AQR: variants seen among roughly 807,000 people sequenced by gnomAD.
AQR encodes the protein aquarius intron-binding spliceosomal factor, also known as RNA helicase aquarius.
A neutral mutation model predicts 180.5 loss-of-function variants in AQR; 61 were observed. That is an observed-to-expected ratio of 0.34 (90% CI 0.28 to 0.42). The LOEUF is 0.42. AQR is among the 10% of genes least tolerant of loss of function. The pLI, the probability that AQR is intolerant of heterozygous loss-of-function variation, is 1.00. For synonymous variants in AQR, 551 were observed against 588.8 expected (o/e 0.94, Z 0.93); for missense variants, 1,281 against 1,798.3 (o/e 0.71, Z 5.20).
intron 4 of AQR, among the ~76,000 whole-genome samples, chr15:34,949,366 T>G (rs1894180768): frequency 6.6e-6 from 1 of 151,406 alleles, no homozygotes; most frequent in Admixed American, 6.6e-5. Context: ...ATCCCAGCAC[T>G]TTGGGAGGCC....
At chr15:34,930,172 T>G in intron 12 of AQR, 86 bp downstream of exon 12, 1 of 671,596 alleles carries the variant, frequency 1.5e-6, no homozygotes, top group Non-Finnish European at 2.5e-6. Flanking sequence ...ATTAACATGG[T>G]TTTCAATCTG....
At position 34,882,630 on chromosome 15, in the gene AQR, C is replaced by T; in HGVS notation, c.3037G>A (p.Ala1013Thr). ...KIFTQLEEFR[A>T]SELLRSGLDR... is the part of the protein sequence containing the mutation. ...AGTCCACTTCGAAGCAATTCAGAGGCTCTGAATTCCTATGGAAACGAGGAG... is the reference window on the plus strand; with the variant it reads ...AGTCCACTTCGAAGCAATTCAGAGGTTCTGAATTCCTATGGAAACGAGGAG... Residue 1013 changes from alanine (A) to threonine (T), a missense_variant, in exon 27 of 35, where the codon GCC becomes ACC. By Grantham distance (58) the Ala-to-Thr change is moderately conservative. Transcript: ENST00000156471. The T allele has an allele frequency of 6.3e-7, 1 of 1,597,246 alleles. No homozygotes were observed. The highest frequency in any genetic ancestry group is 8.5e-7 in the Non-Finnish European group (1 of 1,173,848).
intron 14 of AQR, among the ~76,000 whole-genome samples, chr15:34,919,375 T>C (rs1427753010): frequency 2.0e-5 from 3 of 152,140 alleles, no homozygotes; most frequent in African/African-American, 7.2e-5. Flanking sequence ...ATCTAAACAA[T>C]ATGTATGTTT....
intron 3 of AQR, among the ~76,000 whole-genome samples, chr15:34,957,155 A>C (rs62006155): frequency 1.1e-5 from 1 of 88,462 alleles, no homozygotes; most frequent in South Asian, 5.1e-4. Flanking sequence ...CTGGTCATTT[A>C]AATTTTTTTT....
chr15:34,899,673 T>C (rs1285836451), intron 20 of AQR, among the ~76,000 whole-genome samples: 1 of 149,994 alleles, frequency 6.7e-6, no homozygotes, highest in Non-Finnish European at 1.5e-5. Context: ...ACCTGGCCTA[T>C]TATTATATAT....
chr15:34,883,186 C>T (rs1035979175), intron 26 of AQR, among the ~76,000 whole-genome samples: 1 of 151,908 alleles, frequency 6.6e-6, no homozygotes, highest in Admixed American at 6.6e-5. Context: ...GAGATGAAAC[C>T]CAAGGCAGAG....
In AQR at chr15:34,884,521, T is replaced by A; in HGVS notation, c.3027+4A>T. ...GGAAGTTCAAAGAACTTGAGAATCC[T>A]TACCTCAAGCTGCGTAAAGATTTTC... On this transcript the variant is annotated splice_donor_region_variant and intron_variant, in intron 26 of 34. Transcript: ENST00000156471. 1 of 1,573,676 alleles carries A rather than the reference T, an allele frequency of 6.4e-7. No individual in the cohort carries two copies. Among genetic ancestry groups the A allele is most frequent in the Non-Finnish European group, 8.6e-7 (1 of 1,165,254 alleles).
chr15:34,862,311 A>G (rs549949221), intron 33 of AQR, among the ~76,000 whole-genome samples: 1 of 152,182 alleles, frequency 6.6e-6, no homozygotes, highest in African/African-American at 2.4e-5. Context: ...AATAACATGA[A>G]CTCTGGGATG....
In AQR at chr15:34,969,618, G is replaced by C. The variant is rs1410059724; in HGVS notation, c.-5C>G. ...GGGCTGCGCAGGGGCTGCCATGGCA[G>C]CACTCTTCCCTCCACTCCAGTGGAA... is the stretch of plus-strand genomic sequence containing the variant. On this transcript the variant is annotated 5_prime_UTR_variant, in exon 1 of 35. Coordinates refer to ENST00000156471, the MANE Select transcript of AQR (RefSeq NM_014691.3). 1 of 1,612,746 alleles carries C rather than the reference G, an allele frequency of 6.2e-7. No individual in the cohort carries two copies. Among genetic ancestry groups the C allele is most frequent in the Non-Finnish European group, 8.5e-7 (1 of 1,179,936 alleles).
intron 29 of AQR, chr15:34,874,202 A>AAG (rs1892860976): frequency 2.2e-6 from 1 of 459,186 alleles, no homozygotes; most frequent in South Asian, 5.5e-5. Flanking sequence ...AAGGTACTAC[A>AAG]AAAATGAGAG....
chr15:34,920,774 T>C (rs1893671484), intron 13 of AQR, among the ~76,000 whole-genome samples: 1 of 152,006 alleles, frequency 6.6e-6, no homozygotes, highest in Admixed American at 6.6e-5. Flanking sequence ...CTGGCTAACA[T>C]GGTGAAATTC....
At chr15:34,954,780 TAAAA>T (rs200782271) in intron 3 of AQR, among the ~76,000 whole-genome samples, 2 of 151,526 alleles carry the variant, frequency 1.3e-5, no homozygotes, top group East Asian at 1.9e-4. Flanking sequence ...CTTGTAAGAT[TAAAA>T]AAAACAGGTC....
chr15:34,944,173 C>A, intron 6 of AQR, 115 bp downstream of exon 6: 1 of 996,922 alleles, frequency 1.0e-6, no homozygotes, highest in Non-Finnish European at 1.4e-6. Flanking sequence ...TAGCATTATC[C>A]TTATTGCCTG....
intron 13 of AQR, among the ~76,000 whole-genome samples, chr15:34,924,454 C>CA (rs1893727557): frequency 6.7e-6 from 1 of 148,542 alleles, no homozygotes; most frequent in Non-Finnish European, 1.5e-5. Context: ...TTTTTTGAGA[C>CA]AGAGTCTCAC....
chr15:34,860,119 T>C lies in AQR; in HGVS notation c.4066A>G (p.Lys1356Glu). Reference protein sequence around the residue: ...ERPSHEVQIIKNMPQMANFVY... With the variant: ...ERPSHEVQIIENMPQMANFVY... ...AAGTTTGCCATCTGGGGCATATTTT[T>C]TATTATTTGTACTTCATGAGATGGT... is the stretch of plus-strand genomic sequence containing the variant. Residue 1356 changes from lysine to glutamate, a missense_variant, in exon 34 of 35, where the codon AAA (lysine) becomes GAA (glutamate). Transcript: ENST00000156471. 6.5e-7 allele frequency: 1 copy of C among 1,531,220 alleles called. No homozygotes were observed. The highest frequency in any genetic ancestry group is 2.3e-5 in the East Asian group (1 of 43,050). The allele number at this position is 1,531,220 out of a possible 1,614,324, so 94.9% of individuals were successfully genotyped here. A position where few individuals can be genotyped will look rare whatever the true frequency, so the allele number is the denominator to read the frequency against.
chr15:34,910,482 A>C (rs978963373), intron 16 of AQR, among the ~76,000 whole-genome samples, 169 bp from the exon 17 acceptor site: 3 of 152,234 alleles, frequency 2.0e-5, no homozygotes, highest in Admixed American at 6.5e-5. Flanking sequence ...CTCTCAAAGT[A>C]TGCAAAGTAT....
At chr15:34,944,491 C>A in intron 5 of AQR, 63 bp from the exon 6 acceptor site, 1 of 1,475,218 alleles carries the variant, frequency 6.8e-7, no homozygotes. Flanking sequence ...TTAAAGAAGC[C>A]CTAGTAGGCT....
intron 2 of AQR, among the ~76,000 whole-genome samples, chr15:34,961,575 A>G (rs2140508718): frequency 7.1e-6 from 1 of 140,028 alleles, no homozygotes; most frequent in South Asian, 2.2e-4. Context: ...GCGCCACTGC[A>G]CTCCATCCAG....
chr15:34,895,677 C>T (rs1054878017), intron 22 of AQR, among the ~76,000 whole-genome samples: 1 of 152,034 alleles, frequency 6.6e-6, no homozygotes, highest in Non-Finnish European at 1.5e-5. Context: ...GTGTGAAGCA[C>T]TTATCCATGA....
Sources: gnomAD v4.1 joint callset for allele counts (sites outside exome capture counted in the v4.1 genomes callset) on GRCh38, gnomAD v4.1.1 for gene constraint, MANE v1.5 for transcripts, NCBI Gene and HGNC (gene_info 2026-07-23, HGNC 2026-07-21) for gene names.